Variants in IL1R1 observed in about 807,000 individuals in gnomAD.
IL1R1 encodes interleukin 1 receptor type 1.
In IL1R1, 22 loss-of-function variants were observed where a neutral mutation model predicts 50.2. The ratio of observed to expected loss-of-function variants is 0.44; its 90% CI spans 0.31 to 0.63. The LOEUF (loss-of-function observed/expected upper bound fraction) is 0.63, where lower values mean the gene tolerates loss of function less well. Among genes scored for constraint, IL1R1 ranks in the 20% least tolerant of loss-of-function variants. The pLI is 0.07. For missense variants in IL1R1, 509 were observed against 676.2 expected, an observed-to-expected ratio of 0.75 and a Z score of 2.74; for synonymous variants, 251 against 236.7, an observed-to-expected ratio of 1.06 and a Z score of -0.55.
intron 1 of IL1R1, among the ~76,000 whole-genome samples, chr2:102,072,125 T>G (rs896560332): frequency 6.6e-6 from 1 of 151,776 alleles, no homozygotes; most frequent in African/African-American, 2.4e-5. Flanking sequence ...CTGGGCATGG[T>G]GGCCTGTGCC....
At chr2:102,105,510 G>T (rs1356787300) in intron 1 of IL1R1, among the ~76,000 whole-genome samples, 1 of 152,014 alleles carries the variant, frequency 6.6e-6, no homozygotes, top group Non-Finnish European at 1.5e-5. Context: ...GACTATAGGC[G>T]CCTGCCACCA....
At chr2:102,102,013 C>A (rs1321520978), upstream of IL1R1, among the ~76,000 whole-genome samples, 1 of 152,166 alleles carries the variant, frequency 6.6e-6, no homozygotes, top group Non-Finnish European at 1.5e-5. Context: ...TGTGTTCACA[C>A]AGGTTAACTA....
chr2:102,112,636 G>T (rs1212224864), intron 1 of IL1R1, among the ~76,000 whole-genome samples: 2 of 152,182 alleles, frequency 1.3e-5, no homozygotes, highest in Non-Finnish European at 2.9e-5. Flanking sequence ...GGTAAAAGAG[G>T]AAGCAAAAGG....
intron 1 of IL1R1, among the ~76,000 whole-genome samples, chr2:102,147,145 AG>A (rs1468755478): frequency 6.6e-6 from 1 of 152,164 alleles, no homozygotes; most frequent in Non-Finnish European, 1.5e-5. Context: ...GGGAACTTTG[AG>A]GGGTGGCAGA....
At chr2:102,125,384 C>A (rs1403038649) in intron 1 of IL1R1, among the ~76,000 whole-genome samples, 7 of 152,228 alleles carry the variant, frequency 4.6e-5, no homozygotes, top group Non-Finnish European at 8.8e-5. Flanking sequence ...CAAACAATGT[C>A]TCCTGTTCTT....
chr2:102,166,555 T>C lies in IL1R1; in HGVS notation c.655+274T>C, dbSNP rs552454413. ...GGTTGTTCTTTGGCATGGCTAAAAATGGTTCTTACTGAAAGCTCTGGGGCT... is the reference window on the plus strand; with the variant it reads ...GGTTGTTCTTTGGCATGGCTAAAAACGGTTCTTACTGAAAGCTCTGGGGCT... On this transcript the variant is annotated intron_variant, in intron 6 of 11. Coordinates refer to ENST00000410023, the MANE Select transcript of IL1R1 (RefSeq NM_000877.4). 1.1e-4 allele frequency among the ~76,000 whole-genome samples: 16 copies of C among 152,320 alleles called. 1 individual carries two copies. Among genetic ancestry groups the C allele is most frequent in the African/African-American group, 3.4e-4 (14 of 41,570 alleles).
rs1315865853 is a variant in IL1R1 at position 102,179,573 on chromosome 2, G to C, written c.*2814G>C. ...AAGATGCCCTAAGTGTTGAAGAAGA[G>C]TTTGCAAATGCAACAAAATATTTAA... On this transcript the variant is annotated 3_prime_UTR_variant, in exon 12 of 12. Transcript: ENST00000410023. The C allele has an allele frequency of 6.6e-6, 1 of 152,640 alleles. No individual in the cohort carries two copies. The highest frequency in any genetic ancestry group is 1.5e-5 in the Non-Finnish European group (1 of 68,020). The allele number at this position is 152,640 out of a possible 1,614,324, so 9.5% of individuals were successfully genotyped here.
chr2:102,168,504 C>A, intron 6 of IL1R1, 94 bp from the exon 7 acceptor site: 1 of 967,396 alleles, frequency 1.0e-6, no homozygotes, highest in Non-Finnish European at 1.7e-6. Flanking sequence ...AATATCTGGC[C>A]AGAAGTCATT....
At chr2:102,081,968 A>G (rs1679228005) in intron 1 of IL1R1, among the ~76,000 whole-genome samples, 1 of 152,174 alleles carries the variant, frequency 6.6e-6, no homozygotes. Context: ...ATTTTCGTTT[A>G]TTGTTTATCA....
At chr2:102,083,406 T>C (rs1447440548) in intron 1 of IL1R1, among the ~76,000 whole-genome samples, 2 of 152,122 alleles carry the variant, frequency 1.3e-5, no homozygotes, top group East Asian at 3.9e-4. Context: ...GAGGTATTTC[T>C]GGGTGAAGTA....
At chr2:102,078,546 TAGC>T (rs1327713286) in intron 1 of IL1R1, among the ~76,000 whole-genome samples, 1 of 134,614 alleles carries the variant, frequency 7.4e-6, no homozygotes, top group Non-Finnish European at 1.6e-5. Flanking sequence ...GACACTGAAT[TAGC>T]AGTCAAAAAA....
intron 7 of IL1R1, 35 bp downstream of exon 7, chr2:102,168,698 G>A: frequency 7.9e-7 from 1 of 1,264,794 alleles, no homozygotes; most frequent in Non-Finnish European, 1.1e-6. Flanking sequence ...GCTGGAATCG[G>A]TTTTTTTTTT....
intron 1 of IL1R1, among the ~76,000 whole-genome samples, chr2:102,080,690 T>G (rs957124510): frequency 1.3e-5 from 2 of 152,236 alleles, no homozygotes; most frequent in African/African-American, 4.8e-5. Flanking sequence ...AGTTGCCATA[T>G]GACTCAGCAA....
intron 1 of IL1R1, among the ~76,000 whole-genome samples, chr2:102,152,229 G>A (rs10194716): frequency 0.22 from 33,802 of 151,556 alleles, 4,044 homozygotes; most frequent in African/African-American, 0.3. Context: ...GTGGGGGCCA[G>A]GTGCAGTGGC....
chr2:102,097,916 A>G (rs6750958), intron 1 of IL1R1, among the ~76,000 whole-genome samples: 4,460 of 152,184 alleles, frequency 0.029, 217 homozygotes, highest in African/African-American at 0.099. Flanking sequence ...ACATTCTAAT[A>G]TATTATATGA....
chr2:102,089,397 G>T (rs1308552558), intron 1 of IL1R1, among the ~76,000 whole-genome samples: 2 of 152,152 alleles, frequency 1.3e-5, no homozygotes, highest in Non-Finnish European at 2.9e-5. Context: ...TATGAGTGTG[G>T]TTTGTGTCAC....
chr2:102,118,683 C>T (rs1681227583), intron 1 of IL1R1, among the ~76,000 whole-genome samples: 1 of 152,124 alleles, frequency 6.6e-6, no homozygotes, highest in African/African-American at 2.4e-5. Context: ...GACATCGCTT[C>T]AATCCCTGGT....
intron 1 of IL1R1, among the ~76,000 whole-genome samples, chr2:102,129,839 C>T (rs978660166): frequency 6.6e-6 from 1 of 152,122 alleles, no homozygotes; most frequent in Non-Finnish European, 1.5e-5. Flanking sequence ...TAAAAACTCT[C>T]AGAACTTTAA....
At chr2:102,085,403 T>C (rs1313767159) in intron 1 of IL1R1, among the ~76,000 whole-genome samples, 1 of 152,182 alleles carries the variant, frequency 6.6e-6, no homozygotes, top group Non-Finnish European at 1.5e-5. Context: ...TATTAAGCAG[T>C]GGCTCAAGGT....
Sources: gnomAD v4.1 joint callset for allele counts (sites outside exome capture counted in the v4.1 genomes callset) on GRCh38, gnomAD v4.1.1 for gene constraint, MANE v1.5 for transcripts, NCBI Gene and HGNC (gene_info 2026-07-23, HGNC 2026-07-21) for gene names.